DYNC1I1: variants seen among roughly 807,000 people sequenced by gnomAD.
DYNC1I1 encodes cytoplasmic dynein 1 intermediate chain 1.
DYNC1I1 carries 43 observed loss-of-function variants against 86.6 expected under a neutral mutation model. The ratio of observed to expected loss-of-function variants is 0.50; its 90% CI spans 0.39 to 0.64. The LOEUF (loss-of-function observed/expected upper bound fraction) is 0.64, where lower values mean the gene tolerates loss of function less well. Among genes scored for constraint, DYNC1I1 ranks in the 30% least tolerant of loss-of-function variants. The pLI is 0.00. For synonymous variants in DYNC1I1, 262 were observed against 283.7 expected, an observed-to-expected ratio of 0.92 and a Z score of 0.77; for missense variants, 604 against 788.8, an observed-to-expected ratio of 0.77 and a Z score of 2.81.
At chr7:95,939,709 T>A (rs1213719879) in intron 6 of DYNC1I1, among the ~76,000 whole-genome samples, 1 of 151,856 alleles carries the variant, frequency 6.6e-6, no homozygotes, top group Non-Finnish European at 1.5e-5. Context: ...GTGAGATGGG[T>A]TTCCTGAATA....
chr7:96,071,610 G>A (rs1017534826), intron 14 of DYNC1I1, among the ~76,000 whole-genome samples: 2 of 152,090 alleles, frequency 1.3e-5, no homozygotes, highest in African/African-American at 2.4e-5. Context: ...TCTCCACTGC[G>A]TAGCCTGCTG....
At chr7:95,942,445 A>C (rs1562951144) in intron 6 of DYNC1I1, among the ~76,000 whole-genome samples, 1 of 152,230 alleles carries the variant, frequency 6.6e-6, no homozygotes. Flanking sequence ...CCAGAGGTAC[A>C]AGGAGGAACT....
intron 6 of DYNC1I1, among the ~76,000 whole-genome samples, chr7:95,955,239 G>A (rs551642363): frequency 1.3e-5 from 2 of 152,004 alleles, no homozygotes; most frequent in African/African-American, 2.4e-5. Flanking sequence ...TGTTGCCCAC[G>A]ATAAAAATAC....
chr7:96,069,595 G>A (rs1790102429), intron 14 of DYNC1I1, among the ~76,000 whole-genome samples: 1 of 152,188 alleles, frequency 6.6e-6, no homozygotes, highest in Non-Finnish European at 1.5e-5. Flanking sequence ...AACCTTGGGT[G>A]GAGCTGATAT....
At chr7:96,057,727 A>G (rs2116147160) in intron 14 of DYNC1I1, among the ~76,000 whole-genome samples, 1 of 152,252 alleles carries the variant, frequency 6.6e-6, no homozygotes, top group Non-Finnish European at 1.5e-5. Flanking sequence ...TTTTACATCT[A>G]TTCTATACTC....
chr7:95,952,978 G>A (rs1792599766), intron 6 of DYNC1I1, among the ~76,000 whole-genome samples: 1 of 151,698 alleles, frequency 6.6e-6, no homozygotes, highest in African/African-American at 2.4e-5. Context: ...GGTGACCATA[G>A]AGCAGGATTA....
Position 96,082,281 on chromosome 7 carries a change from T to TA in DYNC1I1, c.1776+1806dup, listed in dbSNP as rs34464231. The stretch of plus-strand genomic sequence containing the variant: ...AATAAAAAAGAGCAAAGGAGAATGT[T>TA]AAAAAAAAAAAAAGCCTTTTCTCTC... On this transcript the variant is annotated intron_variant, in intron 16 of 16. Transcript: ENST00000447467. Among the ~76,000 whole-genome samples, 278 of 148,528 alleles carry TA rather than the reference T, an allele frequency of 1.9e-3. 2 individuals carry two copies. Among genetic ancestry groups the TA allele is most frequent in the African/African-American group, 4.3e-3 (177 of 40,858 alleles).
chr7:95,886,071 A>G (rs1346735859), intron 6 of DYNC1I1, among the ~76,000 whole-genome samples: 2 of 152,188 alleles, frequency 1.3e-5, no homozygotes, highest in South Asian at 2.1e-4. Context: ...ACAATATGCA[A>G]TCTACATATT....
chr7:95,829,207 G>C (rs1311173032), intron 5 of DYNC1I1, among the ~76,000 whole-genome samples: 2 of 152,064 alleles, frequency 1.3e-5, no homozygotes, highest in Non-Finnish European at 2.9e-5. Context: ...AATGCCTACT[G>C]TAGGTATAAA....
At chr7:96,045,759 C>A (rs1479359299) in intron 14 of DYNC1I1, among the ~76,000 whole-genome samples, 1 of 152,068 alleles carries the variant, frequency 6.6e-6, no homozygotes, top group Admixed American at 6.6e-5. Context: ...AGGCATGTAT[C>A]ATGGAATAAG....
At chr7:95,782,944 C>T (rs1249747604) in intron 1 of DYNC1I1, among the ~76,000 whole-genome samples, 1 of 151,994 alleles carries the variant, frequency 6.6e-6, no homozygotes, top group Non-Finnish European at 1.5e-5. Flanking sequence ...CTCTGGTGCT[C>T]CTCTCTGCCA....
At chr7:95,805,362 A>T (rs2115800382) in intron 2 of DYNC1I1, among the ~76,000 whole-genome samples, 1 of 152,210 alleles carries the variant, frequency 6.6e-6, no homozygotes, top group East Asian at 1.9e-4. Context: ...TGGTATATAT[A>T]TTTTTTATGG....
Position 96,026,001 on chromosome 7 carries a change from A to G in DYNC1I1, c.970-2174A>G, listed in dbSNP as rs557446429. On this transcript the variant is annotated intron_variant, in intron 10 of 16. Coordinates refer to ENST00000447467, the MANE Select transcript of DYNC1I1 (RefSeq NM_001135556.2). Reference sequence around the variant, plus strand: ...CCTGGATAATTTTAAATCTTTCTGAAGCTTTAAAAAAAAGTTTCCAACGTA... The same window carrying G: ...CCTGGATAATTTTAAATCTTTCTGAGGCTTTAAAAAAAAGTTTCCAACGTA... Among the ~76,000 whole-genome samples the G allele has an allele frequency of 3.5e-4, 53 of 152,276 alleles. 1 individual carries two copies. In the Middle Eastern group the frequency reaches 0.01, roughly 29 times the overall value.
Position 95,804,761 on chromosome 7 carries a change from T to C in DYNC1I1, c.32T>C (p.Leu11Pro). MSDKSDLKAE[L>P]ERKKQRLAQI... ...GACAAAAGTGACTTAAAAGCTGAGC[T>C]AGAGCGCAAAAAGCAGCGCTTAGCA... Residue 11 changes from leucine (L) to proline (P), a missense_variant, in exon 2 of 17, where the codon CTA (leucine) becomes CCA (proline). Leu to Pro is a moderately conservative substitution (Grantham distance 98, BLOSUM62 -3). Transcript: ENST00000447467. 1 of 1,602,782 alleles carries C rather than the reference T, an allele frequency of 6.2e-7. No homozygotes were observed. The highest frequency in any genetic ancestry group is 8.5e-7 in the Non-Finnish European group (1 of 1,173,858).
chr7:96,107,533 C>CTT (rs201003613), intron 16 of DYNC1I1, among the ~76,000 whole-genome samples: 61 of 138,854 alleles, frequency 4.4e-4, no homozygotes, highest in Middle Eastern at 3.7e-3. Context: ...GTAATTTCTT[C>CTT]TTTTTTTTTT....
intron 3 of DYNC1I1, among the ~76,000 whole-genome samples, chr7:95,812,878 A>G (rs934362618): frequency 6.6e-6 from 1 of 152,154 alleles, no homozygotes; most frequent in Non-Finnish European, 1.5e-5. Flanking sequence ...GGTCACATCT[A>G]TACTAACAAA....
intron 10 of DYNC1I1, 125 bp from the exon 11 acceptor site, chr7:96,028,050 T>C: frequency 7.4e-7 from 1 of 1,359,706 alleles, no homozygotes. Context: ...CAGTCCCAGC[T>C]TTAAATTATT....
chr7:95,800,088 T>C (rs1794541764), intron 1 of DYNC1I1, among the ~76,000 whole-genome samples: 1 of 149,622 alleles, frequency 6.7e-6, no homozygotes, highest in Non-Finnish European at 1.5e-5. Flanking sequence ...AGAGATGTGC[T>C]GAAGCCAAAG....
chr7:95,984,708 T>G (rs537519725), intron 7 of DYNC1I1, 107 bp from the exon 8 acceptor site: 2 of 1,082,132 alleles, frequency 1.8e-6, no homozygotes, highest in South Asian at 3.8e-5. Context: ...GTCTTGCCAC[T>G]CGTTTGATAA....
Sources: allele counts gnomAD v4.1 joint callset (sites outside exome capture counted in the v4.1 genomes callset), GRCh38; gene constraint gnomAD v4.1.1; transcripts MANE v1.5; gene names NCBI Gene and HGNC (gene_info 2026-07-23, HGNC 2026-07-21).